The following KALRN variants were observed in gnomAD, a reference collection of about 807,000 sequenced individuals.
KALRN encodes kalirin RhoGEF kinase, also known as kalirin.
Under a neutral mutation model 353.7 loss-of-function variants are expected in KALRN, and 70 were observed. That is an observed-to-expected ratio of 0.20 (90% CI 0.16 to 0.24). The LOEUF is 0.24. KALRN is among the 10% of genes least tolerant of loss of function. The probability of loss-of-function intolerance (pLI) is 1.00; values close to 1 mark genes in which losing one functional copy is unlikely to be tolerated. For missense variants in KALRN, 2,791 were observed against 3,756.7 expected (o/e 0.74, Z 6.72); for synonymous variants, 1,391 against 1,434.8 (o/e 0.97, Z 0.69).
rs1381468845 is a variant in KALRN at position 124,655,738 on chromosome 3, G to T, written c.5862+71G>T. 6.4e-6 allele frequency: 7 copies of T among 1,091,652 alleles called. No individual in the cohort carries two copies. The Middle Eastern group carries it at 6.0e-4, about 94-fold the overall frequency. The allele number at this position is 1,091,652 out of a possible 1,614,324, so 67.6% of individuals were successfully genotyped here. ...CACGTTGGACCCTACCTAGGCCAAG[G>T]TGTTTTAATCTGATGGTTACATGTA... is the stretch of plus-strand genomic sequence containing the variant. On this transcript the variant is annotated intron_variant, in intron 39 of 59. Transcript: ENST00000682506.
intron 1 of KALRN, among the ~76,000 whole-genome samples, chr3:124,207,190 A>G (rs2076483772): frequency 1.3e-5 from 2 of 152,214 alleles, no homozygotes; most frequent in African/African-American, 4.8e-5. Flanking sequence ...CTGTGGTTCC[A>G]CATTACTGGG....
At chr3:124,301,645 C>A (rs2077275704) in intron 6 of KALRN, among the ~76,000 whole-genome samples, 1 of 152,122 alleles carries the variant, frequency 6.6e-6, no homozygotes, top group South Asian at 2.1e-4. Flanking sequence ...GCATCCCAAG[C>A]AGGTGAAAAG....
At chr3:124,051,797 G>A (rs987342192) in intron 1 of KALRN, among the ~76,000 whole-genome samples, 19 of 152,336 alleles carry the variant, frequency 1.2e-4, no homozygotes, top group African/African-American at 4.6e-4. Context: ...CTAGTTGCCT[G>A]GCAAGTCAAG....
At chr3:124,474,490 T>C (rs541131253) in intron 25 of KALRN, among the ~76,000 whole-genome samples, 173 bp from the exon 26 acceptor site, 2 of 152,322 alleles carry the variant, frequency 1.3e-5, no homozygotes, top group Non-Finnish European at 2.9e-5. Context: ...TTAACATACA[T>C]TTTAATGAAA....
Position 124,724,180 on chromosome 3 carries a change from A to G in KALRN, c.*4710A>G, listed in dbSNP as rs1238423926. Reference sequence around the variant, plus strand: ...ATTTAGATTTGTGAGAATATGAGGGAGCAAATATGATATAAACTAAATTTT... The same window carrying G: ...ATTTAGATTTGTGAGAATATGAGGGGGCAAATATGATATAAACTAAATTTT... On this transcript the variant is annotated 3_prime_UTR_variant, in exon 60 of 60. Coordinates refer to ENST00000682506, the MANE Select transcript of KALRN (RefSeq NM_001388419.1). 6.6e-6 allele frequency: 1 copy of G among 152,098 alleles called. No individual in the cohort carries two copies. Among genetic ancestry groups the G allele is most frequent in the African/African-American group, 2.4e-5 (1 of 41,422 alleles). The allele number at this position is 152,098 out of a possible 1,614,324, so 9.4% of individuals were successfully genotyped here.
chr3:124,420,522 T>G (rs889472233), intron 14 of KALRN, among the ~76,000 whole-genome samples: 1 of 152,200 alleles, frequency 6.6e-6, no homozygotes, highest in Non-Finnish European at 1.5e-5. Context: ...GTATTCTTAC[T>G]TTTGATTTCA....
intron 34 of KALRN, among the ~76,000 whole-genome samples, chr3:124,570,106 A>T (rs575657975): frequency 3.9e-5 from 6 of 152,180 alleles, no homozygotes; most frequent in South Asian, 2.1e-4. Context: ...AGTCCTCCAA[A>T]GGTCTTTCTC....
chr3:124,618,140 G>A (rs149690087), intron 34 of KALRN, among the ~76,000 whole-genome samples: 6 of 119,194 alleles, frequency 5.0e-5, no homozygotes, highest in African/African-American at 1.3e-4. Flanking sequence ...ATGGAGTCTC[G>A]CTCTGTCTCC....
chr3:124,145,367 G>A (rs575367499), intron 1 of KALRN, among the ~76,000 whole-genome samples: 38 of 152,182 alleles, frequency 2.5e-4, no homozygotes, highest in Non-Finnish European at 4.9e-4. Context: ...AAACGCTGAT[G>A]CCCAAGCTTC....
At chr3:124,258,082 G>A (rs567191488) in intron 3 of KALRN, among the ~76,000 whole-genome samples, 57 of 152,288 alleles carry the variant, frequency 3.7e-4, no homozygotes, top group African/African-American at 1.3e-3. Flanking sequence ...AACAGCCTTG[G>A]GGAAGAGGGC....
chr3:124,146,874 C>CAAAAAA (rs34633708), intron 1 of KALRN, among the ~76,000 whole-genome samples: 2,403 of 49,856 alleles, frequency 0.048, 476 homozygotes, highest in East Asian at 0.18. Flanking sequence ...GACTCTGTCT[C>CAAAAAA]AAAAAAAAAA....
At chr3:124,519,823 T>A in intron 33 of KALRN, 2 of 985,330 alleles carry the variant, frequency 2.0e-6, no homozygotes, top group Non-Finnish European at 2.4e-6. Context: ...CTTTCTTGAA[T>A]GTGTTCTAAT....
At chr3:124,173,016 A>G (rs1441909188) in intron 1 of KALRN, among the ~76,000 whole-genome samples, 5 of 152,128 alleles carry the variant, frequency 3.3e-5, no homozygotes, top group Non-Finnish European at 1.5e-5. Flanking sequence ...AGGCTTCAGG[A>G]GATTAAATAA....
chr3:124,228,161 A>C (rs1430361268), intron 2 of KALRN, 97 bp downstream of exon 2: 4 of 995,718 alleles, frequency 4.0e-6, no homozygotes, highest in Non-Finnish European at 6.5e-6. Context: ...GGGGAGAAGT[A>C]GGGGTGGGGA....
intron 9 of KALRN, among the ~76,000 whole-genome samples, chr3:124,342,761 G>A (rs1471400389): frequency 2.0e-5 from 3 of 152,066 alleles, no homozygotes; most frequent in African/African-American, 4.8e-5. Flanking sequence ...CAGTTCAGGG[G>A]CACAAATCAC....
At chr3:124,203,114 T>C (rs2076102501) in intron 1 of KALRN, among the ~76,000 whole-genome samples, 1 of 152,172 alleles carries the variant, frequency 6.6e-6, no homozygotes, top group South Asian at 2.1e-4. Context: ...ACTTTGAGGA[T>C]AGAGAGATCA....
In KALRN at chr3:124,220,954, C is replaced by T. The variant is rs557120622; in HGVS notation, c.74-7036C>T. On this transcript the variant is annotated intron_variant, in intron 1 of 59. Coordinates refer to ENST00000682506, the MANE Select transcript of KALRN (RefSeq NM_001388419.1). ...TGGGCCAAGCCCTGTTCAGGAGCCACAGCCTTCTTCTGGGACCAGCCAGAT... is the reference window on the plus strand; with the variant it reads ...TGGGCCAAGCCCTGTTCAGGAGCCATAGCCTTCTTCTGGGACCAGCCAGAT... 1.1e-4 allele frequency among the ~76,000 whole-genome samples: 16 copies of T among 152,360 alleles called. No individual in the cohort carries two copies. The East Asian group carries it at 3.1e-3, about 29-fold the overall frequency.
At chr3:124,571,364 C>T in intron 34 of KALRN, among the ~76,000 whole-genome samples, 1 of 152,186 alleles carries the variant, frequency 6.6e-6, no homozygotes, top group Non-Finnish European at 1.5e-5. Context: ...ACAGTCCATC[C>T]TTACCCTTGA....
At chr3:124,228,645 A>T (rs2078839554) in intron 2 of KALRN, among the ~76,000 whole-genome samples, 1 of 152,212 alleles carries the variant, frequency 6.6e-6, no homozygotes, top group African/African-American at 2.4e-5. Flanking sequence ...TTTTATAAAT[A>T]AAGTTTTATT....
Sources: gnomAD v4.1 joint callset for allele counts (sites outside exome capture counted in the v4.1 genomes callset) on GRCh38, gnomAD v4.1.1 for gene constraint, MANE v1.5 for transcripts, NCBI Gene and HGNC (gene_info 2026-07-23, HGNC 2026-07-21) for gene names.